ASIC2: variants seen among roughly 807,000 people sequenced by gnomAD.
ASIC2 encodes the protein acid sensing ion channel subunit 2.
Under a neutral mutation model 57.3 loss-of-function variants are expected in ASIC2, and 25 were observed. The observed-to-expected ratio is 0.44, with a 90% CI of 0.32 to 0.61. ASIC2 has a LOEUF of 0.61. ASIC2 is among the 20% of genes least tolerant of loss of function. The pLI, the probability that ASIC2 is intolerant of heterozygous loss-of-function variation, is 0.06. For synonymous variants in ASIC2, 319 were observed against 307.5 expected (o/e 1.04, Z -0.39); for missense variants, 641 against 738.1 (o/e 0.87, Z 1.52).
intron 1 of ASIC2, among the ~76,000 whole-genome samples, chr17:33,773,904 C>A (rs1301095480): frequency 6.6e-6 from 1 of 152,030 alleles, no homozygotes; most frequent in Non-Finnish European, 1.5e-5. Context: ...TGGGCTCAAG[C>A]AATCCTCCTT....
In ASIC2 at chr17:33,912,769, T is replaced by C. The variant is rs373442719; in HGVS notation, c.555+243209A>G. On this transcript the variant is annotated intron_variant, in intron 1 of 9. Coordinates refer to the ASIC2 transcript ENST00000359872. ...CGGAGGTGGGCGGATCACCTGAGGT[T>C]GGGAGTTCGAGACCAGCCTGACCAA... 1.2e-3 allele frequency among the ~76,000 whole-genome samples: 185 copies of C among 151,746 alleles called. 4 individuals are homozygous for C. Among genetic ancestry groups the C allele is most frequent in the African/African-American group, 4.4e-3 (181 of 41,402 alleles).
intron 1 of ASIC2, among the ~76,000 whole-genome samples, chr17:33,415,910 G>A (rs1482285915): frequency 1.4e-4 from 22 of 152,174 alleles, no homozygotes; most frequent in Admixed American, 1.4e-3. Flanking sequence ...AACCTGTGTG[G>A]GCCTGGCGGA....
At chr17:33,932,741 A>AAAAAATATATATATATATAT (rs1555572867) in intron 1 of ASIC2, 26 of 58,654 alleles carry the variant, frequency 4.4e-4, no homozygotes, top group Admixed American at 7.4e-4. Context: ...AAAAAAAAAA[A>AAAAAATATATATATATATAT]ATATATATAT....
At chr17:33,615,612 A>C (rs1051499007) in intron 1 of ASIC2, among the ~76,000 whole-genome samples, 2 of 152,102 alleles carry the variant, frequency 1.3e-5, no homozygotes, top group African/African-American at 4.8e-5. Context: ...TTTTAGTTTT[A>C]ATTTTAACTT....
intron 3 of ASIC2, among the ~76,000 whole-genome samples, chr17:33,062,670 T>C (rs2092025776): frequency 6.6e-6 from 1 of 152,232 alleles, no homozygotes; most frequent in African/African-American, 2.4e-5. Flanking sequence ...TGTAGATGTC[T>C]ATTAGGTCTG....
intron 1 of ASIC2, among the ~76,000 whole-genome samples, chr17:33,817,155 C>A (rs145094603): frequency 6.6e-6 from 1 of 152,286 alleles, no homozygotes; most frequent in African/African-American, 2.4e-5. Context: ...CCGGATTCTT[C>A]GACGTTCTCT....
At chr17:33,065,883 T>A (rs953474301) in intron 3 of ASIC2, among the ~76,000 whole-genome samples, 2 of 152,196 alleles carry the variant, frequency 1.3e-5, no homozygotes, top group Non-Finnish European at 2.9e-5. Context: ...TGATTTTCAA[T>A]CCACTTTGAC....
At chr17:33,539,847 TG>T (rs1239230388) in intron 1 of ASIC2, among the ~76,000 whole-genome samples, 1 of 152,038 alleles carries the variant, frequency 6.6e-6, no homozygotes, top group Non-Finnish European at 1.5e-5. Flanking sequence ...ACCCATGCAG[TG>T]TCATGGGAAT....
intron 1 of ASIC2, among the ~76,000 whole-genome samples, chr17:33,772,991 T>A (rs140295530): frequency 1.5e-3 from 234 of 152,332 alleles, no homozygotes; most frequent in African/African-American, 5.2e-3. Flanking sequence ...AAGTGCTTAA[T>A]AAGTGGAAAC....
intron 1 of ASIC2, among the ~76,000 whole-genome samples, chr17:33,261,638 T>G (rs889891960): frequency 2.0e-5 from 3 of 152,226 alleles, no homozygotes; most frequent in Non-Finnish European, 4.4e-5. Flanking sequence ...GCTGTATATA[T>G]GCCAGCTTAT....
At chr17:33,821,887 A>G (rs550197214) in intron 1 of ASIC2, among the ~76,000 whole-genome samples, 3 of 152,292 alleles carry the variant, frequency 2.0e-5, no homozygotes, top group East Asian at 1.9e-4. Flanking sequence ...CTGGAGGTAT[A>G]ACAGTGAGCC....
intron 1 of ASIC2, chr17:33,627,003 T>TA (rs1338917925): frequency 6.6e-6 from 1 of 152,388 alleles, no homozygotes; most frequent in Non-Finnish European, 1.5e-5. Context: ...GTCTCACTTC[T>TA]GGCCCTCATC....
At chr17:34,077,978 C>A (rs938971663) in intron 1 of ASIC2, among the ~76,000 whole-genome samples, 1 of 152,130 alleles carries the variant, frequency 6.6e-6, no homozygotes, top group African/African-American at 2.4e-5. Context: ...TTATAGAGGG[C>A]CAGCTCTACT....
intron 1 of ASIC2, among the ~76,000 whole-genome samples, chr17:33,358,247 A>C (rs1248723036): frequency 1.3e-5 from 2 of 152,154 alleles, no homozygotes; most frequent in Non-Finnish European, 2.9e-5. Flanking sequence ...CTGCCTTTTC[A>C]CTCCAACGGC....
chr17:34,092,190 G>A (rs1341787379), intron 1 of ASIC2, among the ~76,000 whole-genome samples: 1 of 152,158 alleles, frequency 6.6e-6, no homozygotes, highest in Non-Finnish European at 1.5e-5. Context: ...TTGGCTCCGG[G>A]GCCAGTGTCA....
chr17:33,482,816 C>G (rs923618956), intron 1 of ASIC2, among the ~76,000 whole-genome samples: 15 of 152,228 alleles, frequency 9.9e-5, no homozygotes, highest in African/African-American at 3.6e-4. Context: ...CCAGCCTTCT[C>G]TCGGACACAC....
intron 1 of ASIC2, among the ~76,000 whole-genome samples, chr17:33,218,713 T>C (rs1230241819): frequency 6.6e-6 from 1 of 152,200 alleles, no homozygotes; most frequent in African/African-American, 2.4e-5. Flanking sequence ...GTTCAGTCAA[T>C]GAGACTGGAC....
chr17:33,318,125 G>A (rs938994486), intron 1 of ASIC2, among the ~76,000 whole-genome samples: 1 of 152,082 alleles, frequency 6.6e-6, no homozygotes, highest in East Asian at 1.9e-4. Context: ...GCGACATTGC[G>A]GGGTGGGTGG....
intron 1 of ASIC2, among the ~76,000 whole-genome samples, chr17:33,895,553 G>A (rs1324017089): frequency 6.6e-6 from 1 of 152,178 alleles, no homozygotes; most frequent in African/African-American, 2.4e-5. Context: ...AGACCTCCAT[G>A]CATGCTAGAC....
Sources: gnomAD v4.1 joint callset for allele counts (sites outside exome capture counted in the v4.1 genomes callset) on GRCh38, gnomAD v4.1.1 for gene constraint, MANE v1.5 for transcripts, NCBI Gene and HGNC (gene_info 2026-07-23, HGNC 2026-07-21) for gene names.